ARHGAP28: variants seen among roughly 807,000 people sequenced by gnomAD.
ARHGAP28 encodes the protein rho GTPase-activating protein 28.
ARHGAP28 carries 56 observed loss-of-function variants against 90.7 expected under a neutral mutation model. That is an observed-to-expected ratio of 0.62 (90% confidence interval 0.50 to 0.77). The LOEUF (loss-of-function observed/expected upper bound fraction) is 0.77. Among genes scored for constraint, ARHGAP28 ranks in the 30% least tolerant of loss-of-function variants. The pLI, the probability that ARHGAP28 is intolerant of heterozygous loss-of-function variation, is 0.00. For missense variants in ARHGAP28, 869 were observed against 900.9 expected, an observed-to-expected ratio of 0.96 and a Z score of 0.45; for synonymous variants, 308 against 323.3, an observed-to-expected ratio of 0.95 and a Z score of 0.51.
chr18:6,854,723 T>G (rs890422900), intron 4 of ARHGAP28, among the ~76,000 whole-genome samples: 4 of 150,426 alleles, frequency 2.7e-5, no homozygotes, highest in African/African-American at 9.8e-5. Flanking sequence ...AGGGTGGGAG[T>G]CCTGTGCTCC....
rs1418664368 is a variant in ARHGAP28, at chr18:6,873,597, T to C, written c.1120+23T>C. On this transcript the variant is annotated intron_variant, in intron 8 of 17. Transcript: ENST00000383472. Reference sequence around the variant, plus strand: ...GAGGTAACTAAGAAGACTGATTGCTTCTGGCTTTAACACTTTGACACAGTG... The same window carrying C: ...GAGGTAACTAAGAAGACTGATTGCTCCTGGCTTTAACACTTTGACACAGTG... 5 of 1,611,572 alleles carry C rather than the reference T, an allele frequency of 3.1e-6. No homozygotes were observed. In the African/African-American group the frequency reaches 4.0e-5, roughly 13 times the overall value.
chr18:6,831,550 A>G (rs2056717133), intron 2 of ARHGAP28, among the ~76,000 whole-genome samples: 1 of 141,520 alleles, frequency 7.1e-6, no homozygotes, highest in Admixed American at 7.4e-5. Context: ...CAGGTTAGTT[A>G]CATATGTATA....
intron 2 of ARHGAP28, among the ~76,000 whole-genome samples, chr18:6,833,593 T>C (rs1259896428): frequency 6.6e-6 from 1 of 152,094 alleles, no homozygotes; most frequent in African/African-American, 2.4e-5. Context: ...TCCCAATGAC[T>C]TAGACTCAGG....
intron 1 of ARHGAP28, among the ~76,000 whole-genome samples, chr18:6,782,675 C>T (rs2056334976): frequency 3.0e-5 from 4 of 132,110 alleles, no homozygotes; most frequent in South Asian, 5.3e-4. Flanking sequence ...GTCTCAAACT[C>T]CTGACCTCAG....
chr18:6,889,302 C>T (rs188322382), intron 12 of ARHGAP28, among the ~76,000 whole-genome samples: 12 of 152,160 alleles, frequency 7.9e-5, no homozygotes, highest in Non-Finnish European at 2.9e-5. Flanking sequence ...TGCACACAAA[C>T]ATTTGCTTTT....
rs1491103592 is a variant in ARHGAP28 at position 6,841,180 on chromosome 18, C to CTCTCTCT, written c.543+3766_543+3767insTCTCTCT. ...CTTTCTCTCTCTCCTCTCTCTCTCT[C>CTCTCTCT]CTCTCTCTCTCTCTCTCTCTCTCCT... On this transcript the variant is annotated intron_variant, in intron 3 of 17. Transcript: ENST00000383472. Among the ~76,000 whole-genome samples the CTCTCTCT allele has an allele frequency of 6.8e-3, 390 of 56,972 alleles. 12 individuals carry two copies. Among genetic ancestry groups the CTCTCTCT allele is most frequent in the Middle Eastern group, 0.016 (2 of 128 alleles). 37.4% of individuals were successfully genotyped at this position (56,972 alleles called of 152,430 possible). A position where few individuals can be genotyped will look rare whatever the true frequency, so the allele number is the denominator to read the frequency against.
At chr18:6,787,151 C>T (rs147342392) in intron 1 of ARHGAP28, among the ~76,000 whole-genome samples, 2 of 139,490 alleles carry the variant, frequency 1.4e-5, no homozygotes, top group African/African-American at 5.4e-5. Context: ...ACCTGGGAGG[C>T]GGAGGTTGCA....
intron 1 of ARHGAP28, among the ~76,000 whole-genome samples, chr18:6,753,579 G>T (rs985830980): frequency 1.3e-5 from 2 of 152,334 alleles, no homozygotes; most frequent in East Asian, 1.9e-4. Flanking sequence ...CTCACATAGT[G>T]TGAAATTTGA....
chr18:6,871,593 A>G (rs1053842122), intron 7 of ARHGAP28, among the ~76,000 whole-genome samples: 2 of 152,222 alleles, frequency 1.3e-5, no homozygotes, highest in African/African-American at 4.8e-5. Context: ...CCTAATAGAG[A>G]ACGATGTAAC....
At chr18:6,869,649 A>G (rs548744498) in intron 6 of ARHGAP28, among the ~76,000 whole-genome samples, 3 of 152,242 alleles carry the variant, frequency 2.0e-5, no homozygotes, top group Admixed American at 2.0e-4. Flanking sequence ...ATATCTGTTG[A>G]CTTACAAATT....
chr18:6,782,590 G>GTTTTTTTTTTTTTTT (rs1567945690), intron 1 of ARHGAP28, among the ~76,000 whole-genome samples: 1 of 20,924 alleles, frequency 4.8e-5, no homozygotes, highest in Non-Finnish European at 1.2e-4. Context: ...GCTAATTTTT[G>GTTTTTTTTTTTTTTT]TATTTTTTTT....
In ARHGAP28 at chr18:6,732,271, A is replaced by T. The variant is rs187172362; in HGVS notation, c.122+2328A>T. Among the ~76,000 whole-genome samples the T allele has an allele frequency of 3.6e-3, 553 of 152,284 alleles. 4 individuals are homozygous for T. Among genetic ancestry groups the T allele is most frequent in the African/African-American group, 0.013 (531 of 41,552 alleles). On this transcript the variant is annotated intron_variant, in intron 1 of 17. Coordinates refer to ENST00000383472, the MANE Select transcript of ARHGAP28 (RefSeq NM_001366230.1). ...CTGCCAAGATTACAAAATAGCCAAG[A>T]TAAAATGGTGGGATTTTTAACTGCC...
At chr18:6,836,529 ATC>A (rs2056754930) in intron 2 of ARHGAP28, among the ~76,000 whole-genome samples, 1 of 152,080 alleles carries the variant, frequency 6.6e-6, no homozygotes, top group African/African-American at 2.4e-5. Flanking sequence ...GGCAGGTTGT[ATC>A]CAGCTGTCTC....
At chr18:6,780,756 G>A (rs186862347) in intron 1 of ARHGAP28, among the ~76,000 whole-genome samples, 44 of 152,146 alleles carry the variant, frequency 2.9e-4, no homozygotes, top group African/African-American at 1.0e-3. Flanking sequence ...AGGCATGGTC[G>A]TGGCAGGCGC....
chr18:6,762,741 G>A (rs2056171733), intron 1 of ARHGAP28, among the ~76,000 whole-genome samples: 1 of 152,048 alleles, frequency 6.6e-6, no homozygotes, highest in African/African-American at 2.4e-5. Context: ...AATGCAGGGA[G>A]AAGACAGCCA....
intron 1 of ARHGAP28, among the ~76,000 whole-genome samples, chr18:6,760,165 G>T (rs538963150): frequency 2.0e-5 from 3 of 152,266 alleles, no homozygotes; most frequent in African/African-American, 2.4e-5. Flanking sequence ...GAACAGATAG[G>T]TTTTTTCCGC....
At chr18:6,777,690 A>C (rs2056295132) in intron 1 of ARHGAP28, among the ~76,000 whole-genome samples, 1 of 152,164 alleles carries the variant, frequency 6.6e-6, no homozygotes, top group African/African-American at 2.4e-5. Flanking sequence ...GCACCACTGC[A>C]TTCCAGCCTG....
At chr18:6,850,472 G>A (rs2056901024) in intron 3 of ARHGAP28, among the ~76,000 whole-genome samples, 2 of 152,212 alleles carry the variant, frequency 1.3e-5, no homozygotes, top group African/African-American at 2.4e-5. Context: ...GCAAAGGCTG[G>A]TATGGCTGCC....
At chr18:6,842,844 C>T (rs539734947) in intron 3 of ARHGAP28, among the ~76,000 whole-genome samples, 3 of 151,892 alleles carry the variant, frequency 2.0e-5, no homozygotes, top group Non-Finnish European at 4.4e-5. Context: ...ATCCCATATA[C>T]CCCATAAATA....
Sources: allele counts gnomAD v4.1 joint callset (sites outside exome capture counted in the v4.1 genomes callset), GRCh38; gene constraint gnomAD v4.1.1; transcripts MANE v1.5; gene names NCBI Gene and HGNC (gene_info 2026-07-23, HGNC 2026-07-21).